GRIA2: variants seen among roughly 807,000 people sequenced by gnomAD.
GRIA2 encodes the protein glutamate receptor 2.
In GRIA2, 14 loss-of-function variants were observed where a neutral mutation model predicts 97.3. The ratio of observed to expected loss-of-function variants is 0.14; its 90% CI spans 0.10 to 0.23. GRIA2 has a LOEUF of 0.23. GRIA2 is among the 10% of genes least tolerant of loss of function. GRIA2 has a pLI of 1.00. For synonymous variants in GRIA2, 412 were observed against 387.8 expected, an observed-to-expected ratio of 1.06 and a Z score of -0.73; for missense variants, 558 against 1,069.8, an observed-to-expected ratio of 0.52 and a Z score of 6.67.
intron 6 of GRIA2, among the ~76,000 whole-genome samples, chr4:157,324,822 A>G (rs1734734928): frequency 6.6e-6 from 1 of 152,198 alleles, no homozygotes; most frequent in Non-Finnish European, 1.5e-5. Context: ...CTAGGAGATT[A>G]TATAGCACCC....
At chr4:157,273,121 T>C (rs1732110203) in intron 2 of GRIA2, among the ~76,000 whole-genome samples, 1 of 152,074 alleles carries the variant, frequency 6.6e-6, no homozygotes, top group South Asian at 2.1e-4. Context: ...CATAGCATTT[T>C]TATTATATTA....
At chr4:157,278,125 G>A (rs1363452479) in intron 2 of GRIA2, among the ~76,000 whole-genome samples, 1 of 151,424 alleles carries the variant, frequency 6.6e-6, no homozygotes, top group East Asian at 1.9e-4. Flanking sequence ...TTATTTTAAA[G>A]TTTATGTGGA....
rs983683637 is a variant in GRIA2 at position 157,363,631 on chromosome 4, T to C, written c.*200T>C. 2.5e-6 allele frequency: 3 copies of C among 1,182,706 alleles called. No individual in the cohort carries two copies. Among genetic ancestry groups the C allele is most frequent in the East Asian group, 3.2e-5 (1 of 31,456 alleles). The allele number at this position is 1,182,706 out of a possible 1,614,324, so 73.3% of individuals were successfully genotyped here. ...AGAACCTTTTGAGTGCCTTACACAATGGTTTTCTTGTGTGTTTATTGTCAA... is the reference window on the plus strand; with the variant it reads ...AGAACCTTTTGAGTGCCTTACACAACGGTTTTCTTGTGTGTTTATTGTCAA... On this transcript the variant is annotated 3_prime_UTR_variant, in exon 16 of 16. Coordinates refer to ENST00000264426, the MANE Select transcript of GRIA2 (RefSeq NM_001083619.3).
intron 2 of GRIA2, among the ~76,000 whole-genome samples, chr4:157,257,258 G>A (rs1049803120): frequency 6.6e-6 from 1 of 152,000 alleles, no homozygotes; most frequent in Non-Finnish European, 1.5e-5. Flanking sequence ...ACTGTGCTGT[G>A]CCACTTTCAG....
intron 2 of GRIA2, among the ~76,000 whole-genome samples, chr4:157,281,367 C>A (rs1732587014): frequency 6.6e-6 from 1 of 152,076 alleles, no homozygotes. Context: ...TTAGTAAGAG[C>A]TGGTCCATAT....
upstream of GRIA2, chr4:157,220,685 T>G (rs1444831193): frequency 3.6e-6 from 1 of 277,486 alleles, no homozygotes; most frequent in Non-Finnish European, 6.8e-6. Context: ...CGCGCGCGCG[T>G]GAGTGAGAGA....
At chr4:157,246,527 C>T (rs577874060) in intron 2 of GRIA2, among the ~76,000 whole-genome samples, 58 of 152,092 alleles carry the variant, frequency 3.8e-4, no homozygotes, top group African/African-American at 1.3e-3. Flanking sequence ...TTTATACTTT[C>T]GTAGTAATAA....
intron 2 of GRIA2, among the ~76,000 whole-genome samples, chr4:157,273,716 A>C (rs773225269): frequency 3.1e-4 from 47 of 152,108 alleles, no homozygotes; most frequent in Non-Finnish European, 1.0e-4. Flanking sequence ...AAAGTAAAAC[A>C]GAATAGCCAA....
rs143505003 is a variant in GRIA2, at chr4:157,332,903, C to T, written c.967C>T (p.Arg323Ter). The change falls in exon 7 of 16, where the codon CGA becomes TGA. Residue 323 changes from arginine (R) to a stop codon, truncating the protein, a stop_gained. Transcript: ENST00000264426. LOFTEE classifies it high-confidence loss of function. ...NLRKQRIEIS[R>*]RGNAGDCLAN... Reference sequence around the variant, plus strand: ...AAGGAAGCAAAGAATTGAAATCTCCCGAAGGGGGAATGCAGGAGACTGTCT... The same window carrying T: ...AAGGAAGCAAAGAATTGAAATCTCCTGAAGGGGGAATGCAGGAGACTGTCT... The T allele has an allele frequency of 6.2e-7, 1 of 1,612,362 alleles. No individual in the cohort carries two copies. Among genetic ancestry groups the T allele is most frequent in the South Asian group, 1.1e-5 (1 of 91,032 alleles).
chr4:157,227,202 A>C (rs938986035), intron 2 of GRIA2, among the ~76,000 whole-genome samples: 1 of 152,174 alleles, frequency 6.6e-6, no homozygotes, highest in African/African-American at 2.4e-5. Context: ...CTGCTGGCTC[A>C]AGAAGGATGG....
chr4:157,327,093 T>G (rs992474183), intron 6 of GRIA2, among the ~76,000 whole-genome samples: 1 of 152,166 alleles, frequency 6.6e-6, no homozygotes, highest in Non-Finnish European at 1.5e-5. Flanking sequence ...AAAATCGTAA[T>G]CATTCATAGG....
chr4:157,291,281 C>A (rs1354642089), intron 2 of GRIA2, among the ~76,000 whole-genome samples: 1 of 151,920 alleles, frequency 6.6e-6, no homozygotes, highest in Non-Finnish European at 1.5e-5. Context: ...GGTTTAGCTC[C>A]ATCTTCTGGC....
At chr4:157,238,918 G>A (rs1206476809) in intron 2 of GRIA2, among the ~76,000 whole-genome samples, 3 of 152,038 alleles carry the variant, frequency 2.0e-5, no homozygotes, top group Admixed American at 6.6e-5. Context: ...ATATAAAATA[G>A]TTTTTCATAT....
intron 3 of GRIA2, among the ~76,000 whole-genome samples, chr4:157,310,409 T>C (rs1482161055): frequency 3.3e-5 from 5 of 152,226 alleles, no homozygotes; most frequent in African/African-American, 1.2e-4. Flanking sequence ...TAAATTATTT[T>C]TAATGTTTAT....
intron 6 of GRIA2, among the ~76,000 whole-genome samples, chr4:157,329,939 T>G (rs747211931): frequency 1.3e-5 from 2 of 151,922 alleles, no homozygotes; most frequent in Non-Finnish European, 2.9e-5. Context: ...CAAATCCACT[T>G]TTGCCACACA....
chr4:157,272,885 C>T (rs926646657), intron 2 of GRIA2, among the ~76,000 whole-genome samples: 1 of 151,988 alleles, frequency 6.6e-6, no homozygotes, highest in Non-Finnish European at 1.5e-5. Context: ...AACAGGCTCA[C>T]TAAAAGATGG....
At chr4:157,221,238 C>T (rs967873851) in intron 1 of GRIA2, 108 bp downstream of exon 1, 2 of 721,828 alleles carry the variant, frequency 2.8e-6, no homozygotes, top group African/African-American at 3.5e-5. Flanking sequence ...CATACCTTGA[C>T]TGCATTCCAG....
At chr4:157,263,598 C>T (rs896167740) in intron 2 of GRIA2, among the ~76,000 whole-genome samples, 1 of 152,066 alleles carries the variant, frequency 6.6e-6, no homozygotes, top group South Asian at 2.1e-4. Context: ...TATAAATGCA[C>T]CACAACAGAT....
chr4:157,247,235 A>G (rs971857971), intron 2 of GRIA2, among the ~76,000 whole-genome samples: 3 of 152,188 alleles, frequency 2.0e-5, no homozygotes, highest in African/African-American at 7.2e-5. Flanking sequence ...ATCTCCCAAC[A>G]TATTGCAAAG....
Sources: allele counts gnomAD v4.1 joint callset (sites outside exome capture counted in the v4.1 genomes callset), GRCh38; gene constraint gnomAD v4.1.1; transcripts MANE v1.5; gene names NCBI Gene and HGNC (gene_info 2026-07-23, HGNC 2026-07-21).